The following DMD variants were observed in gnomAD, a reference collection of about 807,000 sequenced individuals.
DMD encodes dystrophin.
A neutral mutation model predicts 330.1 loss-of-function variants in DMD; 63 were observed. That is an observed-to-expected ratio of 0.19 (90% confidence interval 0.16 to 0.24). DMD has a LOEUF of 0.24. DMD is among the 10% of genes least tolerant of loss of function. The pLI is 1.00. For missense variants in DMD, 3,344 were observed against 2,684.1 expected, an observed-to-expected ratio of 1.25 and a Z score of -5.43; for synonymous variants, 1,223 against 959.8, an observed-to-expected ratio of 1.27 and a Z score of -5.07.
intron 52 of DMD, among the ~76,000 whole-genome samples, chrX:31,690,432 C>G (rs1340427390): frequency 8.9e-6 from 1 of 111,895 alleles, no homozygotes; most frequent in East Asian, 2.8e-4. Flanking sequence ...CCATCTCACA[C>G]CAGTTAGAAT....
intron 33 of DMD, 143 bp downstream of exon 33, chrX:32,386,167 T>G (rs2147553962): frequency 1.7e-6 from 1 of 580,618 alleles, no homozygotes; most frequent in East Asian, 3.5e-5. Context: ...TATATGTGTG[T>G]ATATATATAC....
chrX:31,793,509 G>C (rs994301392), intron 50 of DMD, among the ~76,000 whole-genome samples: 15 of 111,587 alleles, frequency 1.3e-4, no homozygotes, highest in Admixed American at 3.8e-4. Context: ...ATCATAAATT[G>C]AAAAATGCAT....
chrX:33,167,972 A>T (rs1183587597), intron 1 of DMD, among the ~76,000 whole-genome samples: 2 of 111,183 alleles, frequency 1.8e-5, no homozygotes, highest in Non-Finnish European at 3.8e-5. Context: ...CACAGTAAGC[A>T]CCATTAATGG....
intron 2 of DMD, among the ~76,000 whole-genome samples, chrX:32,880,763 G>A (rs747268668): frequency 2.7e-5 from 3 of 111,666 alleles, no homozygotes; most frequent in African/African-American, 9.8e-5. Context: ...TGACCAACAT[G>A]GAGAAACCTC....
rs764593336 is a variant in DMD, at chrX:31,300,592, C to A, written c.9224+23006G>T. On this transcript the variant is annotated intron_variant, in intron 62 of 78. Coordinates refer to ENST00000357033, the MANE Select transcript of DMD (RefSeq NM_004006.3). ...ATCTTCGTATTTAGGTTTAAACTTG[C>A]ATTGCTCAAGAAAAGGTAGGATACA... Among the ~76,000 whole-genome samples the A allele has an allele frequency of 2.7e-5, 3 of 111,455 alleles. No homozygotes were observed. In the East Asian group the frequency reaches 8.5e-4, roughly 31 times the overall value.
intron 44 of DMD, among the ~76,000 whole-genome samples, chrX:32,031,722 A>G (rs1339720528): frequency 8.9e-6 from 1 of 112,007 alleles, no homozygotes; most frequent in Non-Finnish European, 1.9e-5. Context: ...TCTACATGGA[A>G]ACAGCGGAAG....
intron 55 of DMD, among the ~76,000 whole-genome samples, chrX:31,579,893 T>C (rs1161747498): frequency 1.8e-5 from 2 of 112,174 alleles, no homozygotes; most frequent in African/African-American, 3.2e-5. Flanking sequence ...GGCAGGGCTA[T>C]ACTCCTTCTG....
At chrX:33,130,699 G>C (rs772689486) in intron 1 of DMD, among the ~76,000 whole-genome samples, 1 of 109,882 alleles carries the variant, frequency 9.1e-6, no homozygotes, top group Admixed American at 9.7e-5. Flanking sequence ...GGACTACCAT[G>C]CGCCACCACG....
At chrX:31,330,476 G>A (rs919453716) in intron 61 of DMD, among the ~76,000 whole-genome samples, 1 of 111,646 alleles carries the variant, frequency 9.0e-6, no homozygotes, top group Admixed American at 9.5e-5. Context: ...TCACACTAGT[G>A]ATCAGAGGCT....
intron 52 of DMD, among the ~76,000 whole-genome samples, chrX:31,714,735 A>T (rs1454126538): frequency 1.8e-5 from 2 of 111,974 alleles, no homozygotes; most frequent in Non-Finnish European, 3.8e-5. Context: ...TAGAATCAGG[A>T]CACAAAAATA....
intron 76 of DMD, among the ~76,000 whole-genome samples, chrX:31,142,377 T>C (rs2036171743): frequency 9.0e-6 from 1 of 111,635 alleles, no homozygotes. Context: ...GCACATAAAA[T>C]ATAAACATAT....
intron 29 of DMD, among the ~76,000 whole-genome samples, chrX:32,424,607 G>A (rs2098203868): frequency 9.0e-6 from 1 of 111,190 alleles, no homozygotes; most frequent in African/African-American, 3.3e-5. Flanking sequence ...GAGAGCCCAT[G>A]CTTGGTTTAA....
chrX:32,861,614 G>A (rs1049235995), intron 2 of DMD, among the ~76,000 whole-genome samples: 3 of 111,551 alleles, frequency 2.7e-5, no homozygotes, highest in African/African-American at 9.8e-5. Flanking sequence ...AAGAAGGAGA[G>A]TGGTTTCTAG....
chrX:31,599,018 GA>G (rs1383170899), intron 55 of DMD, among the ~76,000 whole-genome samples: 1 of 111,752 alleles, frequency 8.9e-6, no homozygotes, highest in African/African-American at 3.2e-5. Context: ...CTTTTTAAAA[GA>G]AGAGATTTAT....
intron 60 of DMD, among the ~76,000 whole-genome samples, chrX:31,403,591 G>A (rs1269610342): frequency 9.0e-6 from 1 of 111,239 alleles, no homozygotes; most frequent in Non-Finnish European, 1.9e-5. Context: ...GGTACAAAAA[G>A]AAAAATAAGT....
At chrX:32,588,178 T>TA (rs752647899) in intron 13 of DMD, among the ~76,000 whole-genome samples, 3 of 112,343 alleles carry the variant, frequency 2.7e-5, no homozygotes, top group Admixed American at 1.9e-4. Context: ...CAAGAATGTG[T>TA]AAGACACATC....
chrX:31,337,274 A>C (rs2057460366), intron 61 of DMD, among the ~76,000 whole-genome samples: 1 of 111,024 alleles, frequency 9.0e-6, no homozygotes, highest in African/African-American at 3.3e-5. Context: ...TTATCACCTA[A>C]GCCTATCCCT....
chrX:32,453,193 G>A (rs749643589), intron 26 of DMD, among the ~76,000 whole-genome samples: 5 of 110,494 alleles, frequency 4.5e-5, no homozygotes, highest in Non-Finnish European at 9.5e-5. Context: ...CTCACCACAC[G>A]CTAGAACACT....
intron 3 of DMD, among the ~76,000 whole-genome samples, chrX:32,846,307 G>A (rs2080661254): frequency 9.0e-6 from 1 of 111,627 alleles, no homozygotes; most frequent in African/African-American, 3.3e-5. Flanking sequence ...TGTGTCTGTA[G>A]AGCCCCAGTC....
Sources: gnomAD v4.1 joint callset for allele counts (sites outside exome capture counted in the v4.1 genomes callset) on GRCh38, gnomAD v4.1.1 for gene constraint, MANE v1.5 for transcripts, NCBI Gene and HGNC (gene_info 2026-07-23, HGNC 2026-07-21) for gene names.